JAZF1: variants seen among roughly 807,000 people sequenced by gnomAD.
JAZF1 encodes the protein JAZF zinc finger 1.
Under a neutral mutation model 26.4 loss-of-function variants are expected in JAZF1, and 8 were observed. The observed-to-expected ratio is 0.30, with a 90% confidence interval of 0.18 to 0.55. The LOEUF is 0.55. Ranked by LOEUF, JAZF1 falls within the 20% of genes least tolerant of loss-of-function variation. The probability of loss-of-function intolerance (pLI) is 0.94; values close to 1 mark genes in which losing one functional copy is unlikely to be tolerated. For synonymous variants in JAZF1, 126 were observed against 122.3 expected (o/e 1.03, Z -0.20); for missense variants, 199 against 322.0 (o/e 0.62, Z 2.92).
chr7:28,176,815 T>A (rs1017747012), intron 1 of JAZF1, among the ~76,000 whole-genome samples: 1 of 152,148 alleles, frequency 6.6e-6, no homozygotes, highest in African/African-American at 2.4e-5. Flanking sequence ...GCCATACGAT[T>A]TCATAGCACT....
intron 3 of JAZF1, among the ~76,000 whole-genome samples, chr7:27,872,906 G>A (rs943652245): frequency 1.3e-5 from 2 of 152,112 alleles, no homozygotes; most frequent in Non-Finnish European, 2.9e-5. Flanking sequence ...CCTACGCAAC[G>A]GAGCCTTGTT....
At chr7:27,882,449 A>T (rs1783790851) in intron 3 of JAZF1, among the ~76,000 whole-genome samples, 1 of 152,128 alleles carries the variant, frequency 6.6e-6, no homozygotes, top group Non-Finnish European at 1.5e-5. Context: ...TCCAAGGAGG[A>T]ACTATGTAAT....
At chr7:27,895,449 C>A in intron 2 of JAZF1, 33 bp from the exon 3 acceptor site, 1 of 1,510,336 alleles carries the variant, frequency 6.6e-7, no homozygotes. Context: ...GGAACCTGGG[C>A]CATGTATAGA....
At chr7:28,151,710 G>A (rs897364213) in intron 1 of JAZF1, among the ~76,000 whole-genome samples, 3 of 151,854 alleles carry the variant, frequency 2.0e-5, no homozygotes, top group Non-Finnish European at 4.4e-5. Flanking sequence ...GCTGAGGCTT[G>A]AACCCGGGAG....
intron 1 of JAZF1, among the ~76,000 whole-genome samples, chr7:28,009,512 C>T (rs1782761902): frequency 1.3e-5 from 2 of 149,494 alleles, no homozygotes; most frequent in South Asian, 4.2e-4. Flanking sequence ...GAGACAGAGT[C>T]TCGCTCTGTC....
chr7:28,143,740 C>G (rs746137507), intron 1 of JAZF1, among the ~76,000 whole-genome samples: 7 of 152,200 alleles, frequency 4.6e-5, no homozygotes, highest in Admixed American at 1.3e-4. Context: ...ATGGTATATT[C>G]TTTTCATCAA....
intron 1 of JAZF1, among the ~76,000 whole-genome samples, chr7:28,040,589 G>T (rs73683945): frequency 0.075 from 11,471 of 152,148 alleles, 769 homozygotes; most frequent in African/African-American, 0.18. Context: ...CCAGACAGGT[G>T]TGAGGAGGAG....
intron 1 of JAZF1, among the ~76,000 whole-genome samples, chr7:28,099,540 G>C (rs529305551): frequency 6.6e-6 from 1 of 151,972 alleles, no homozygotes; most frequent in African/African-American, 2.4e-5. Context: ...GCAATGGAGC[G>C]ATCTCGACTC....
chr7:27,906,245 G>T (rs1006775351), intron 2 of JAZF1, among the ~76,000 whole-genome samples: 1 of 135,088 alleles, frequency 7.4e-6, no homozygotes, highest in East Asian at 2.4e-4. Context: ...GGGTGGTGAG[G>T]TGCTGGATGC....
intron 2 of JAZF1, among the ~76,000 whole-genome samples, chr7:27,938,665 G>A (rs1293652381): frequency 1.3e-5 from 2 of 152,094 alleles, no homozygotes; most frequent in African/African-American, 4.8e-5. Context: ...GTTAATAGTT[G>A]GTTGGTTGCT....
chr7:27,929,922 C>T (rs1291461506), intron 2 of JAZF1, among the ~76,000 whole-genome samples: 6 of 148,996 alleles, frequency 4.0e-5, no homozygotes, highest in Non-Finnish European at 7.5e-5. Flanking sequence ...ATCCCTTCCT[C>T]CATATTTTCT....
At chr7:28,035,276 T>A (rs970982637) in intron 1 of JAZF1, among the ~76,000 whole-genome samples, 1 of 120,216 alleles carries the variant, frequency 8.3e-6, no homozygotes, top group African/African-American at 3.3e-5. Flanking sequence ...ATCGCACCTC[T>A]GCACTCCAGC....
rs943139113 is a variant in JAZF1 at position 27,841,997 on chromosome 7, G to C, written c.386-1130C>G. 1.4e-4 allele frequency: 21 copies of C among 152,258 alleles called. No homozygotes were observed. In the East Asian group the frequency reaches 4.1e-3, roughly 29 times the overall value. The allele number at this position is 152,258 out of a possible 1,614,324, so 9.4% of individuals were successfully genotyped here. A position where few individuals can be genotyped will look rare whatever the true frequency, so the allele number is the denominator to read the frequency against. ...TACATTGCACCAGGGGCCTGCCTGG[G>C]TGCTTCAGGGGCTTACTCTGCTACA... is the stretch of plus-strand genomic sequence containing the variant. On this transcript the variant is annotated intron_variant, in intron 3 of 4. Transcript: ENST00000283928.
At position 27,830,689 on chromosome 7, in the gene JAZF1, T is replaced by G. The variant is rs1440034448; in HGVS notation, c.*2111A>C. On this transcript the variant is annotated 3_prime_UTR_variant, in exon 5 of 5. Coordinates refer to ENST00000283928, the MANE Select transcript of JAZF1 (RefSeq NM_175061.4). Reference sequence around the variant, plus strand: ...CTTCAGTTCTAAAACAAACCTCTGTTGCTTTCAGACTTAATGTGCTCTGTC... The same window carrying G: ...CTTCAGTTCTAAAACAAACCTCTGTGGCTTTCAGACTTAATGTGCTCTGTC... 4 of 190,464 alleles carry G rather than the reference T, an allele frequency of 2.1e-5. No homozygotes were observed. The highest frequency in any genetic ancestry group is 4.4e-5 in the Non-Finnish European group (4 of 90,542). The allele number at this position is 190,464 out of a possible 1,614,324, so 11.8% of individuals were successfully genotyped here.
chr7:27,905,547 TTTC>T lies in JAZF1; in HGVS notation c.189-10134_189-10132del, dbSNP rs778800710. ...TCTTGACAATCATATTTTATTTATT[TTTC>T]TTTTTATTTTTTATTTTTTTTCTTA... is the stretch of plus-strand genomic sequence containing the variant. On this transcript the variant is annotated intron_variant, in intron 2 of 4. Coordinates refer to ENST00000283928, the MANE Select transcript of JAZF1 (RefSeq NM_175061.4). Among the ~76,000 whole-genome samples, 5 of 151,620 alleles carry T rather than the reference TTTC, an allele frequency of 3.3e-5. No individual in the cohort carries two copies. In the South Asian group the frequency reaches 8.3e-4, roughly 25 times the overall value.
At chr7:27,880,539 A>G (rs376164375) in intron 3 of JAZF1, among the ~76,000 whole-genome samples, 25 of 151,886 alleles carry the variant, frequency 1.6e-4, no homozygotes, top group African/African-American at 6.0e-4. Context: ...AGGCTGAGGC[A>G]GGAGAATTGC....
Position 27,921,183 on chromosome 7 carries a change from C to T in JAZF1, c.189-25767G>A, listed in dbSNP as rs180923885. Among the ~76,000 whole-genome samples the T allele has an allele frequency of 9.9e-3, 1,500 of 152,258 alleles. 10 individuals are homozygous for T. Among genetic ancestry groups the T allele is most frequent in the Non-Finnish European group, 0.016 (1,076 of 68,026 alleles). ...CTGTAGGCTATTAAAGTAATGAGTC[C>T]GGACAGAGTCATCTGATCTCATGGT... is the stretch of plus-strand genomic sequence containing the variant. On this transcript the variant is annotated intron_variant, in intron 2 of 4. Transcript: ENST00000283928.
Position 27,972,170 on chromosome 7 carries a change from C to T in JAZF1, c.188+19739G>A, listed in dbSNP as rs1258622800. ...TAATTACATAAACTGTGATTTCAAG[C>T]AGTGATAAGCACTATGAAGAACAGA... On this transcript the variant is annotated intron_variant, in intron 2 of 4. Transcript: ENST00000283928. 3.3e-5 allele frequency among the ~76,000 whole-genome samples: 5 copies of T among 152,144 alleles called. No homozygotes were observed. The East Asian group carries it at 7.7e-4, about 23-fold the overall frequency.
chr7:27,973,689 T>C (rs551467302), intron 2 of JAZF1, among the ~76,000 whole-genome samples: 9 of 152,326 alleles, frequency 5.9e-5, no homozygotes, highest in African/African-American at 2.2e-4. Context: ...TAGATAGTGT[T>C]AAATGTCCAT....
Sources: gnomAD v4.1 joint callset for allele counts (sites outside exome capture counted in the v4.1 genomes callset) on GRCh38, gnomAD v4.1.1 for gene constraint, MANE v1.5 for transcripts, NCBI Gene and HGNC (gene_info 2026-07-23, HGNC 2026-07-21) for gene names.